Variants in IL1RAPL1 observed in about 807,000 individuals in gnomAD.
The protein encoded by IL1RAPL1 is interleukin 1 receptor accessory protein like 1.
IL1RAPL1 carries 3 observed loss-of-function variants against 48.4 expected under a neutral mutation model. That is an observed-to-expected ratio of 0.06 (90% CI 0.03 to 0.16). The LOEUF is 0.16. Among genes scored for constraint, IL1RAPL1 ranks in the 10% least tolerant of loss-of-function variants. The probability of loss-of-function intolerance (pLI) is 1.00; values close to 1 mark genes in which losing one functional copy is unlikely to be tolerated. For synonymous variants in IL1RAPL1, 185 were observed against 187.7 expected (o/e 0.99, Z 0.12); for missense variants, 349 against 530.6 (o/e 0.66, Z 3.36).
chrX:28,988,275 T>C (rs1222251365), intron 2 of IL1RAPL1, among the ~76,000 whole-genome samples: 1 of 111,760 alleles, frequency 8.9e-6, no homozygotes, highest in Non-Finnish European at 1.9e-5. Context: ...ACTCAAAGGA[T>C]TTTTACCTGT....
At chrX:29,364,609 A>G (rs1417959825) in intron 3 of IL1RAPL1, among the ~76,000 whole-genome samples, 1 of 108,982 alleles carries the variant, frequency 9.2e-6, no homozygotes, top group Non-Finnish European at 1.9e-5. Context: ...AAAAAATTGT[A>G]TATGTACTGA....
intron 5 of IL1RAPL1, among the ~76,000 whole-genome samples, chrX:29,537,145 A>C (rs1921261072): frequency 9.0e-6 from 1 of 111,527 alleles, no homozygotes; most frequent in Non-Finnish European, 1.9e-5. Context: ...AGACTAAAAA[A>C]CAGGTACAAA....
chrX:29,156,853 T>C (rs1929579721), intron 2 of IL1RAPL1, among the ~76,000 whole-genome samples: 1 of 246 alleles, frequency 4.1e-3, no homozygotes, highest in Admixed American at 0.091. Flanking sequence ...GGATCAGAAC[T>C]AAAAAGTTAC....
In IL1RAPL1 at chrX:29,917,206, G is replaced by A. The variant is rs140849109; in HGVS notation, c.779-258G>A. ...TGAGAAAACATCAGGCAAACCGAAC[G>A]GGAAAAATGTTCTGTACAATAGCCG... On this transcript the variant is annotated intron_variant, in intron 6 of 10. Transcript: ENST00000378993. Among the ~76,000 whole-genome samples the A allele has an allele frequency of 0.014, 1,528 of 112,016 alleles. 9 individuals carry two copies. Among genetic ancestry groups the A allele is most frequent in the Middle Eastern group, 0.032 (7 of 216 alleles).
chrX:28,759,374 G>C (rs1173330778), intron 1 of IL1RAPL1, among the ~76,000 whole-genome samples: 2 of 110,945 alleles, frequency 1.8e-5, no homozygotes, highest in Non-Finnish European at 3.8e-5. Flanking sequence ...AATACTATCT[G>C]TCTTCCATTA....
intron 1 of IL1RAPL1, among the ~76,000 whole-genome samples, chrX:28,706,689 C>A (rs988962357): frequency 1.8e-5 from 2 of 111,916 alleles, no homozygotes; most frequent in African/African-American, 6.5e-5. Context: ...GCTGGGATTA[C>A]AGGCGTGAAC....
chrX:28,734,954 C>T (rs16988318), intron 1 of IL1RAPL1, among the ~76,000 whole-genome samples: 1,591 of 111,987 alleles, frequency 0.014, 29 homozygotes, highest in African/African-American at 0.049. Flanking sequence ...CTGCTACTTT[C>T]GTTTGCTAAT....
intron 3 of IL1RAPL1, among the ~76,000 whole-genome samples, chrX:29,322,761 A>G (rs1477847604): frequency 9.0e-6 from 1 of 111,260 alleles, no homozygotes; most frequent in African/African-American, 3.3e-5. Flanking sequence ...TCAAAGACTC[A>G]GGTTTTACAT....
chrX:29,195,850 T>C (rs903816561), intron 2 of IL1RAPL1, among the ~76,000 whole-genome samples: 8 of 111,734 alleles, frequency 7.2e-5, no homozygotes, highest in Non-Finnish European at 1.3e-4. Context: ...CATGAGCCAC[T>C]GCACCCGGCC....
chrX:29,525,484 T>A (rs756517052), intron 5 of IL1RAPL1, among the ~76,000 whole-genome samples: 1 of 111,965 alleles, frequency 8.9e-6, no homozygotes, highest in East Asian at 2.8e-4. Flanking sequence ...GTCTGGAAAG[T>A]CATGGGAACT....
intron 1 of IL1RAPL1, among the ~76,000 whole-genome samples, chrX:28,714,794 C>A (rs188546542): frequency 8.9e-6 from 1 of 112,013 alleles, no homozygotes; most frequent in African/African-American, 3.2e-5. Flanking sequence ...CTGAGCTTTT[C>A]TGGAAAGAAG....
intron 3 of IL1RAPL1, among the ~76,000 whole-genome samples, chrX:29,333,349 G>A (rs752159300): frequency 2.1e-4 from 22 of 106,584 alleles, no homozygotes; most frequent in African/African-American, 6.8e-4. Context: ...CCCAGTAGGG[G>A]CGGCCGGGCA....
chrX:29,449,780 C>CACACACACACAGAGAG (rs557765024), intron 5 of IL1RAPL1, among the ~76,000 whole-genome samples: 47 of 58,236 alleles, frequency 8.1e-4, no homozygotes, highest in East Asian at 3.2e-3. Flanking sequence ...CACACACACA[C>CACACACACACAGAGAG]AGAGAGAGAG....
At chrX:28,891,880 T>C (rs1323037103) in intron 2 of IL1RAPL1, among the ~76,000 whole-genome samples, 2 of 111,654 alleles carry the variant, frequency 1.8e-5, no homozygotes, top group Admixed American at 1.9e-4. Context: ...TTACCAATAC[T>C]TGTTATTGGT....
chrX:29,648,322 G>A (rs976786134), intron 5 of IL1RAPL1, among the ~76,000 whole-genome samples: 2 of 111,880 alleles, frequency 1.8e-5, no homozygotes, highest in African/African-American at 6.5e-5. Flanking sequence ...TCCATCCAAC[G>A]GATGCAGAAT....
intron 6 of IL1RAPL1, among the ~76,000 whole-genome samples, chrX:29,715,292 T>C (rs1256979485): frequency 1.8e-5 from 2 of 111,449 alleles, no homozygotes; most frequent in African/African-American, 3.3e-5. Flanking sequence ...AGGGGGCTTA[T>C]TAAAACAAAA....
intron 2 of IL1RAPL1, among the ~76,000 whole-genome samples, chrX:29,207,058 C>A (rs1424571870): frequency 9.0e-6 from 1 of 111,377 alleles, no homozygotes; most frequent in East Asian, 2.8e-4. Flanking sequence ...GTCTTTCTTG[C>A]CTTTTTTTGT....
At chrX:29,638,877 G>A (rs982592597) in intron 5 of IL1RAPL1, among the ~76,000 whole-genome samples, 5 of 112,303 alleles carry the variant, frequency 4.5e-5, no homozygotes, top group African/African-American at 1.6e-4. Context: ...TCTTGAAAGT[G>A]AAATATATTT....
rs189928107 is a variant in IL1RAPL1 at position 29,913,443 on chromosome X, T to C, written c.779-4021T>C. ...ATATGTATACATATATAAACACACA[T>C]ATATATACATATATATAGAGAGAAA... On this transcript the variant is annotated intron_variant, in intron 6 of 10. Coordinates refer to ENST00000378993, the MANE Select transcript of IL1RAPL1 (RefSeq NM_014271.4). Among the ~76,000 whole-genome samples the C allele has an allele frequency of 1.7e-4, 18 of 104,895 alleles. No homozygotes were observed. In the East Asian group the frequency reaches 4.6e-3, roughly 27 times the overall value. The allele number at this position is 104,895 out of a possible 115,157, so 91.1% of individuals were successfully genotyped here. A position where few individuals can be genotyped will look rare whatever the true frequency, so the allele number is the denominator to read the frequency against.
Sources: gnomAD v4.1 joint callset for allele counts (sites outside exome capture counted in the v4.1 genomes callset) on GRCh38, gnomAD v4.1.1 for gene constraint, MANE v1.5 for transcripts, NCBI Gene and HGNC (gene_info 2026-07-23, HGNC 2026-07-21) for gene names.